The following GRIP1 variants were observed in gnomAD, a reference collection of about 807,000 sequenced individuals.
GRIP1 encodes the protein glutamate receptor interacting protein 1, also known as glutamate receptor-interacting protein 1.
GRIP1 carries 45 observed loss-of-function variants against 129.9 expected under a neutral mutation model. The ratio of observed to expected loss-of-function variants is 0.35; its 90% confidence interval spans 0.27 to 0.44. The LOEUF (loss-of-function observed/expected upper bound fraction) is 0.44, where lower values mean the gene tolerates loss of function less well. Among genes scored for constraint, GRIP1 ranks in the 20% least tolerant of loss-of-function variants. GRIP1 has a pLI of 1.00. For synonymous variants in GRIP1, 530 were observed against 520.8 expected, an observed-to-expected ratio of 1.02 and a Z score of -0.24; for missense variants, 1,196 against 1,396.8, an observed-to-expected ratio of 0.86 and a Z score of 2.29.
At chr12:66,996,153 G>A (rs2042463912) in intron 1 of GRIP1, among the ~76,000 whole-genome samples, 1 of 151,716 alleles carries the variant, frequency 6.6e-6, no homozygotes, top group African/African-American at 2.4e-5. Flanking sequence ...GAGTGGGGAG[G>A]GGAAAATAAG....
At chr12:66,977,317 T>C (rs1285197181) in intron 1 of GRIP1, among the ~76,000 whole-genome samples, 1 of 151,978 alleles carries the variant, frequency 6.6e-6, no homozygotes, top group African/African-American at 2.4e-5. Flanking sequence ...AGACACATCA[T>C]AAGCTCTAGA....
chr12:66,831,953 T>C (rs1317650078), intron 1 of GRIP1, among the ~76,000 whole-genome samples: 2 of 152,202 alleles, frequency 1.3e-5, no homozygotes, highest in East Asian at 1.9e-4. Flanking sequence ...ATTTTTATTA[T>C]AGATTTGACT....
intron 1 of GRIP1, among the ~76,000 whole-genome samples, chr12:66,987,830 C>T (rs1432918886): frequency 6.6e-6 from 1 of 152,184 alleles, no homozygotes; most frequent in Non-Finnish European, 1.5e-5. Flanking sequence ...TTCTCTGTCA[C>T]TCTTATCAAC....
intron 7 of GRIP1, among the ~76,000 whole-genome samples, chr12:66,495,349 G>GT (rs1284320061): frequency 6.6e-6 from 1 of 152,160 alleles, no homozygotes; most frequent in Non-Finnish European, 1.5e-5. Flanking sequence ...GCTTTCTAGT[G>GT]TATCATCAGT....
At chr12:66,581,821 G>C (rs1181145964) in intron 2 of GRIP1, among the ~76,000 whole-genome samples, 1 of 152,118 alleles carries the variant, frequency 6.6e-6, no homozygotes, top group African/African-American at 2.4e-5. Flanking sequence ...AATTCTACCA[G>C]AGGTACAAGG....
At chr12:66,924,369 A>C (rs937104504) in intron 1 of GRIP1, among the ~76,000 whole-genome samples, 3 of 152,220 alleles carry the variant, frequency 2.0e-5, no homozygotes, top group Non-Finnish European at 4.4e-5. Context: ...AATCTAGGGG[A>C]AACGCTAGGA....
chr12:66,460,830 G>A (rs769630391), intron 9 of GRIP1, among the ~76,000 whole-genome samples: 1 of 152,118 alleles, frequency 6.6e-6, no homozygotes, highest in African/African-American at 2.4e-5. Context: ...TTTGAGAATT[G>A]TAAACACAAT....
At chr12:66,445,298 A>C in intron 12 of GRIP1, 24 bp downstream of exon 12, 1 of 1,597,432 alleles carries the variant, frequency 6.3e-7, no homozygotes, top group Non-Finnish European at 8.6e-7. Flanking sequence ...GCAGAAAATG[A>C]TGCTGTGAAA....
At chr12:66,641,179 G>T (rs1052495367) in intron 1 of GRIP1, among the ~76,000 whole-genome samples, 1 of 152,208 alleles carries the variant, frequency 6.6e-6, no homozygotes, top group African/African-American at 2.4e-5. Context: ...AGGCTCTGAG[G>T]AAATGGTAGT....
intron 1 of GRIP1, among the ~76,000 whole-genome samples, chr12:66,901,920 T>C (rs1206089325): frequency 1.3e-5 from 2 of 152,240 alleles, no homozygotes; most frequent in African/African-American, 4.8e-5. Context: ...CTCAAAATTA[T>C]AATGCATTCA....
At chr12:67,066,274 G>C (rs2043623601) in intron 1 of GRIP1, among the ~76,000 whole-genome samples, 1 of 152,124 alleles carries the variant, frequency 6.6e-6, no homozygotes, top group South Asian at 2.1e-4. Context: ...ACAAAAGCAT[G>C]TTCCCTCAAT....
rs149007235 is a variant in GRIP1, at chr12:66,834,576, AT to A, written c.58+234473del. 2.4e-3 allele frequency among the ~76,000 whole-genome samples: 364 copies of A among 152,306 alleles called. 3 individuals are homozygous for A. Among genetic ancestry groups the A allele is most frequent in the African/African-American group, 8.5e-3 (353 of 41,568 alleles). On this transcript the variant is annotated intron_variant, in intron 1 of 1. Transcript: ENST00000643019. ...ATCAATAGTACAGTTAAAAGCCAAT[AT>A]GTTATCATTTTCGTATGTATTTCCA...
At chr12:66,676,913 A>G (rs950965223) in intron 1 of GRIP1, among the ~76,000 whole-genome samples, 1 of 152,176 alleles carries the variant, frequency 6.6e-6, no homozygotes, top group African/African-American at 2.4e-5. Context: ...CATGGGTGGA[A>G]CTTGAACGTT....
At chr12:66,483,811 C>T (rs1349274979) in intron 7 of GRIP1, among the ~76,000 whole-genome samples, 1 of 152,234 alleles carries the variant, frequency 6.6e-6, no homozygotes, top group East Asian at 1.9e-4. Flanking sequence ...TCAAATAATC[C>T]CCCTACTCCT....
At chr12:66,723,296 CTTTCTTTCTT>C (rs2036141883) in intron 1 of GRIP1, among the ~76,000 whole-genome samples, 31 of 22,074 alleles carry the variant, frequency 1.4e-3, no homozygotes, top group East Asian at 9.4e-3. Flanking sequence ...TTCTTTCTTT[CTTTCTTTCTT>C]TTTTTTTTTT....
chr12:66,529,418 GA>G (rs1161377095), intron 5 of GRIP1, among the ~76,000 whole-genome samples: 1 of 152,142 alleles, frequency 6.6e-6, no homozygotes, highest in Non-Finnish European at 1.5e-5. Flanking sequence ...AGTGGATAAA[GA>G]AACTGGTATA....
At chr12:66,619,552 C>T (rs2065182237) in intron 1 of GRIP1, among the ~76,000 whole-genome samples, 1 of 152,030 alleles carries the variant, frequency 6.6e-6, no homozygotes, top group African/African-American at 2.4e-5. Flanking sequence ...CAGTAAGGTT[C>T]CAGTGTTGCC....
intron 1 of GRIP1, among the ~76,000 whole-genome samples, chr12:66,653,312 G>A (rs1285623357): frequency 6.6e-6 from 1 of 152,116 alleles, no homozygotes; most frequent in Non-Finnish European, 1.5e-5. Flanking sequence ...GTTAAAACCA[G>A]GGCCTTTATA....
At chr12:66,499,624 A>T (rs1259339602) in intron 7 of GRIP1, among the ~76,000 whole-genome samples, 1 of 152,178 alleles carries the variant, frequency 6.6e-6, no homozygotes, top group Non-Finnish European at 1.5e-5. Context: ...TGGGGCAGAG[A>T]CTATAGGAAG....
Sources: allele counts gnomAD v4.1 joint callset (sites outside exome capture counted in the v4.1 genomes callset), GRCh38; gene constraint gnomAD v4.1.1; transcripts MANE v1.5; gene names NCBI Gene and HGNC (gene_info 2026-07-23, HGNC 2026-07-21).